Variants in WWOX observed in about 807,000 individuals in gnomAD.
WWOX encodes the protein WW domain containing oxidoreductase, also known as WW domain-containing oxidoreductase.
In WWOX, 69 loss-of-function variants were observed where a neutral mutation model predicts 46.2. The observed-to-expected ratio is 1.49, with a 90% CI of 1.23 to 1.82. WWOX has a LOEUF of 1.82. WWOX is among the 40% of genes most tolerant of loss of function. The pLI is 0.00. For missense variants in WWOX, 919 were observed against 542.6 expected (o/e 1.69, Z -6.89); for synonymous variants, 359 against 202.6 (o/e 1.77, Z -6.56).
chr16:78,783,950 G>C (rs1221187232), intron 8 of WWOX, among the ~76,000 whole-genome samples: 1 of 151,876 alleles, frequency 6.6e-6, no homozygotes, highest in Admixed American at 6.6e-5. Flanking sequence ...GGTGCTGTTG[G>C]TGATGGTGAT....
intron 8 of WWOX, among the ~76,000 whole-genome samples, chr16:78,919,297 A>C (rs992069032): frequency 1.3e-5 from 2 of 151,932 alleles, no homozygotes; most frequent in African/African-American, 2.4e-5. Flanking sequence ...GCAGAGGCTC[A>C]GAGAAGTCAG....
chr16:78,966,300 T>C (rs920703308), intron 8 of WWOX, among the ~76,000 whole-genome samples: 2 of 152,190 alleles, frequency 1.3e-5, no homozygotes, highest in African/African-American at 4.8e-5. Context: ...TGATAGCTGT[T>C]TCAGATGGAA....
intron 8 of WWOX, among the ~76,000 whole-genome samples, chr16:78,491,209 C>G (rs757001145): frequency 6.6e-6 from 1 of 152,200 alleles, no homozygotes; most frequent in African/African-American, 2.4e-5. Flanking sequence ...CAGACCTTTA[C>G]TCACCTGGGC....
chr16:79,076,706 C>G (rs527429210), intron 8 of WWOX, among the ~76,000 whole-genome samples: 5 of 152,344 alleles, frequency 3.3e-5, no homozygotes, highest in East Asian at 1.9e-4. Context: ...TAGCCCCCCA[C>G]TTAGGTGTTA....
intron 8 of WWOX, among the ~76,000 whole-genome samples, chr16:78,443,744 T>G (rs2083497514): frequency 6.6e-6 from 1 of 152,240 alleles, no homozygotes; most frequent in African/African-American, 2.4e-5. Context: ...GTTGGCATTT[T>G]GGTAATGTGC....
At chr16:79,168,178 G>T (rs1435617302) in intron 8 of WWOX, among the ~76,000 whole-genome samples, 4 of 152,074 alleles carry the variant, frequency 2.6e-5, no homozygotes, top group Non-Finnish European at 4.4e-5. Context: ...AATGACTTGT[G>T]TTGCCATAAA....
Position 79,195,887 on chromosome 16 carries a change from C to T in WWOX, c.1057-15721C>T, listed in dbSNP as rs777897204. On this transcript the variant is annotated intron_variant, in intron 8 of 8. Coordinates refer to ENST00000566780, the MANE Select transcript of WWOX (RefSeq NM_016373.4). ...GAACATTTCAGTTTTTCATTTCCTG[C>T]GTCACTGTTTTTCTTATTTGGAGAT... 3.4e-4 allele frequency among the ~76,000 whole-genome samples: 51 copies of T among 152,210 alleles called. 1 individual carries two copies. Among genetic ancestry groups the T allele is most frequent in the Middle Eastern group, 6.8e-3 (2 of 294 alleles).
intron 8 of WWOX, among the ~76,000 whole-genome samples, chr16:79,090,280 CGTGTGTGTGTGTGTGTGTGTGTGTGT>C (rs61538157): frequency 1.4e-5 from 2 of 138,284 alleles, no homozygotes; most frequent in African/African-American, 5.3e-5. Context: ...CTACTGTGTG[CGTGTGTGTGTGTGTGTGTGTGTGTGT>C]GTGTGTGTGT....
chr16:78,581,359 C>A (rs758974941), intron 8 of WWOX, among the ~76,000 whole-genome samples: 1 of 152,096 alleles, frequency 6.6e-6, no homozygotes, highest in African/African-American at 2.4e-5. Context: ...AATTGCTGTA[C>A]CCTTTTTCAT....
intron 8 of WWOX, among the ~76,000 whole-genome samples, chr16:79,129,715 A>G (rs1447708115): frequency 6.6e-6 from 1 of 152,156 alleles, no homozygotes; most frequent in Non-Finnish European, 1.5e-5. Flanking sequence ...ATGATTTATT[A>G]AAATCTAAAG....
intron 8 of WWOX, among the ~76,000 whole-genome samples, chr16:79,072,513 AC>A (rs1485296310): frequency 3.3e-5 from 5 of 152,156 alleles, no homozygotes; most frequent in African/African-American, 1.2e-4. Context: ...GAAAAGCTAC[AC>A]CATTCATCTA....
intron 8 of WWOX, among the ~76,000 whole-genome samples, chr16:78,790,994 G>T (rs72801910): frequency 7.1e-6 from 1 of 141,784 alleles, no homozygotes; most frequent in Admixed American, 7.3e-5. Flanking sequence ...ACTCCACCCT[G>T]GGTGACAGAT....
At chr16:78,578,129 C>T (rs1020208983) in intron 8 of WWOX, among the ~76,000 whole-genome samples, 4 of 151,092 alleles carry the variant, frequency 2.6e-5, no homozygotes, top group Non-Finnish European at 5.9e-5. Context: ...AGACACTATG[C>T]ACTAATTAAG....
At chr16:78,368,562 A>G (rs1358856464) in intron 5 of WWOX, among the ~76,000 whole-genome samples, 1 of 152,198 alleles carries the variant, frequency 6.6e-6, no homozygotes, top group African/African-American at 2.4e-5. Flanking sequence ...ACCAAGGAGA[A>G]AAAGGAAGCT....
chr16:79,014,942 C>G (rs1056525176), intron 8 of WWOX, among the ~76,000 whole-genome samples: 10 of 152,146 alleles, frequency 6.6e-5, no homozygotes, highest in African/African-American at 2.2e-4. Flanking sequence ...TAGGAATGCT[C>G]TGTGATATGT....
chr16:79,060,686 T>G (rs1172446082), intron 8 of WWOX, among the ~76,000 whole-genome samples: 1 of 152,230 alleles, frequency 6.6e-6, no homozygotes, highest in Admixed American at 6.5e-5. Context: ...GGAGCTACAA[T>G]TTTTATCTTT....
At chr16:78,813,183 T>A (rs1253277896) in intron 8 of WWOX, among the ~76,000 whole-genome samples, 3 of 152,204 alleles carry the variant, frequency 2.0e-5, no homozygotes, top group Non-Finnish European at 4.4e-5. Context: ...CCTTTAATAT[T>A]GCTTCTGATT....
At chr16:78,125,814 A>G (rs930298711) in intron 4 of WWOX, among the ~76,000 whole-genome samples, 5 of 152,192 alleles carry the variant, frequency 3.3e-5, no homozygotes, top group African/African-American at 9.7e-5. Flanking sequence ...GCATTCATCA[A>G]GCGCCTGTAT....
chr16:79,129,391 G>A (rs139029859), intron 8 of WWOX, among the ~76,000 whole-genome samples: 27 of 147,428 alleles, frequency 1.8e-4, no homozygotes, highest in Middle Eastern at 3.4e-3. Context: ...AGTCTATCTC[G>A]TATGGAACGA....
Sources: allele counts gnomAD v4.1 joint callset (sites outside exome capture counted in the v4.1 genomes callset), GRCh38; gene constraint gnomAD v4.1.1; transcripts MANE v1.5; gene names NCBI Gene and HGNC (gene_info 2026-07-23, HGNC 2026-07-21).